The following RBFOX1 variants were observed in gnomAD, a reference collection of about 807,000 sequenced individuals.
RBFOX1 encodes RNA binding protein fox-1 homolog 1.
In RBFOX1, 8 loss-of-function variants were observed where a neutral mutation model predicts 57.7. The observed-to-expected ratio is 0.14, with a 90% CI of 0.08 to 0.25. The LOEUF (loss-of-function observed/expected upper bound fraction) is 0.25, where lower values mean the gene tolerates loss of function less well. RBFOX1 is among the 10% of genes least tolerant of loss of function. RBFOX1 has a pLI of 1.00. For missense variants in RBFOX1, 611 were observed against 548.5 expected, an observed-to-expected ratio of 1.11 and a Z score of -1.14; for synonymous variants, 326 against 222.4, an observed-to-expected ratio of 1.47 and a Z score of -4.15.
chr16:5,296,340 G>A (rs2063667505), intron 1 of RBFOX1, among the ~76,000 whole-genome samples: 1 of 152,128 alleles, frequency 6.6e-6, no homozygotes, highest in Non-Finnish European at 1.5e-5. Context: ...AGAACAGCAG[G>A]AGACAGCTTC....
At chr16:6,829,002 G>A (rs1403427927) in intron 3 of RBFOX1, among the ~76,000 whole-genome samples, 1 of 152,026 alleles carries the variant, frequency 6.6e-6, no homozygotes, top group Non-Finnish European at 1.5e-5. Flanking sequence ...TACTTCCACT[G>A]TTGCCTGACT....
At chr16:7,006,130 C>G (rs562625379) in intron 3 of RBFOX1, among the ~76,000 whole-genome samples, 1 of 152,064 alleles carries the variant, frequency 6.6e-6, no homozygotes, top group African/African-American at 2.4e-5. Flanking sequence ...AGAGGACATA[C>G]ATAATGTCAT....
At chr16:6,904,064 G>C (rs539330840) in intron 3 of RBFOX1, among the ~76,000 whole-genome samples, 86 of 152,192 alleles carry the variant, frequency 5.7e-4, no homozygotes, top group Non-Finnish European at 1.0e-3. Flanking sequence ...ACCCCCATGG[G>C]GGCTGTGCGG....
At position 6,471,272 on chromosome 16, in the gene RBFOX1, C is replaced by G. The variant is rs184831878; in HGVS notation, c.-64+154215C>G. Among the ~76,000 whole-genome samples the G allele has an allele frequency of 7.5e-4, 114 of 152,294 alleles. 1 individual carries two copies. Among genetic ancestry groups the G allele is most frequent in the Middle Eastern group, 3.4e-3 (1 of 294 alleles). On this transcript the variant is annotated intron_variant, in intron 2 of 15. Transcript: ENST00000550418. ...TGGAGATCCAACTCAAGCATCATCACCTTTTGAATTCTCTGAAAGATGCCC... is the reference window on the plus strand; with the variant it reads ...TGGAGATCCAACTCAAGCATCATCAGCTTTTGAATTCTCTGAAAGATGCCC...
intron 1 of RBFOX1, among the ~76,000 whole-genome samples, chr16:6,242,327 G>A (rs80086595): frequency 0.12 from 18,294 of 151,982 alleles, 1,200 homozygotes; most frequent in Middle Eastern, 0.25. Flanking sequence ...TTCCCTATCA[G>A]CCTGTATAGG....
At chr16:7,430,602 C>T (rs2098669606) in intron 4 of RBFOX1, among the ~76,000 whole-genome samples, 1 of 149,452 alleles carries the variant, frequency 6.7e-6, no homozygotes. Context: ...ACAGAGGTTT[C>T]AGTGCCAAGA....
chr16:5,338,630 T>A (rs2064957881), intron 1 of RBFOX1, among the ~76,000 whole-genome samples: 1 of 152,224 alleles, frequency 6.6e-6, no homozygotes, highest in African/African-American at 2.4e-5. Context: ...TTGGAAAAGA[T>A]TTTGAAAGTT....
chr16:5,980,495 C>A (rs766548123), intron 4 of RBFOX1, among the ~76,000 whole-genome samples: 29 of 152,152 alleles, frequency 1.9e-4, no homozygotes, highest in Non-Finnish European at 3.2e-4. Context: ...GAGAGCTGTT[C>A]ACAGTTTTTA....
At chr16:7,032,683 A>C (rs1221763195) in intron 3 of RBFOX1, among the ~76,000 whole-genome samples, 1 of 152,058 alleles carries the variant, frequency 6.6e-6, no homozygotes, top group East Asian at 2.0e-4. Context: ...TAATAATTCC[A>C]GTGAACACAT....
At chr16:5,761,678 C>A (rs951948881) in intron 3 of RBFOX1, among the ~76,000 whole-genome samples, 1 of 152,150 alleles carries the variant, frequency 6.6e-6, no homozygotes, top group Non-Finnish European at 1.5e-5. Context: ...TCACCGGGTC[C>A]TTTCCAGCAC....
At chr16:6,251,508 A>T (rs1049609260) in intron 1 of RBFOX1, among the ~76,000 whole-genome samples, 2 of 152,086 alleles carry the variant, frequency 1.3e-5, no homozygotes, top group Non-Finnish European at 2.9e-5. Flanking sequence ...GATATTTATT[A>T]TACATGGGTT....
chr16:6,172,678 G>A (rs2096970529), intron 1 of RBFOX1, among the ~76,000 whole-genome samples: 4 of 152,154 alleles, frequency 2.6e-5, no homozygotes, highest in Admixed American at 2.6e-4. Context: ...TCCTAGATGT[G>A]TTTGCTATTC....
intron 1 of RBFOX1, among the ~76,000 whole-genome samples, chr16:5,278,976 T>C (rs550526088): frequency 1.2e-4 from 18 of 152,306 alleles, no homozygotes; most frequent in African/African-American, 3.9e-4. Flanking sequence ...ATACACACTG[T>C]TTTGGTTACT....
intron 2 of RBFOX1, among the ~76,000 whole-genome samples, chr16:6,553,025 A>G (rs2097021697): frequency 6.6e-6 from 1 of 152,122 alleles, no homozygotes; most frequent in Non-Finnish European, 1.5e-5. Flanking sequence ...ACTGGCTTTT[A>G]TTATTATTTG....
intron 2 of RBFOX1, among the ~76,000 whole-genome samples, chr16:6,543,418 T>A (rs946149207): frequency 6.6e-6 from 1 of 152,136 alleles, no homozygotes; most frequent in Admixed American, 6.5e-5. Context: ...TTTATTGGGT[T>A]GGCCTGATTC....
chr16:5,664,803 A>C (rs2049777342), intron 3 of RBFOX1, among the ~76,000 whole-genome samples: 1 of 152,124 alleles, frequency 6.6e-6, no homozygotes. Flanking sequence ...TGCTGCTCCT[A>C]GTTTAAAATC....
At chr16:5,307,167 G>T (rs2063959809) in intron 1 of RBFOX1, among the ~76,000 whole-genome samples, 2 of 152,130 alleles carry the variant, frequency 1.3e-5, no homozygotes, top group South Asian at 4.2e-4. Flanking sequence ...ATTTCAGTTG[G>T]TGGGTCCCCA....
intron 3 of RBFOX1, among the ~76,000 whole-genome samples, chr16:5,622,552 G>A (rs2048229742): frequency 6.6e-6 from 1 of 152,174 alleles, no homozygotes; most frequent in South Asian, 2.1e-4. Context: ...TTCTCTAGTG[G>A]TACTTTTTAA....
At chr16:6,935,144 G>C (rs375730040) in intron 3 of RBFOX1, among the ~76,000 whole-genome samples, 1 of 152,108 alleles carries the variant, frequency 6.6e-6, no homozygotes, top group Non-Finnish European at 1.5e-5. Flanking sequence ...GAGTGACCTT[G>C]AGCTATATGC....
Sources: allele counts gnomAD v4.1 joint callset (sites outside exome capture counted in the v4.1 genomes callset), GRCh38; gene constraint gnomAD v4.1.1; transcripts MANE v1.5; gene names NCBI Gene and HGNC (gene_info 2026-07-23, HGNC 2026-07-21).